ORC4: variants seen among roughly 807,000 people sequenced by gnomAD.
The protein encoded by ORC4 is origin recognition complex, subunit 4 homolog.
In ORC4, 55 loss-of-function variants were observed where a neutral mutation model predicts 63.9. The observed-to-expected ratio is 0.86, with a 90% confidence interval of 0.69 to 1.08. The LOEUF is 1.08. Among genes scored for constraint, ORC4 ranks in the 50% least tolerant of loss-of-function variants. The probability of loss-of-function intolerance (pLI) is 0.00; values close to 1 mark genes in which losing one functional copy is unlikely to be tolerated. For synonymous variants in ORC4, 150 were observed against 168.5 expected, an observed-to-expected ratio of 0.89 and a Z score of 0.85; for missense variants, 511 against 504.4, an observed-to-expected ratio of 1.01 and a Z score of -0.13.
chr2:147,973,299 T>C (rs1018523419), intron 3 of ORC4, 149 bp downstream of exon 3: 8 of 664,366 alleles, frequency 1.2e-5, no homozygotes, highest in African/African-American at 3.6e-5. Context: ...TCATGCTATG[T>C]GGTGTTTCTA....
chr2:147,945,274 C>G lies in ORC4; in HGVS notation c.763-1752G>C, dbSNP rs1415282763. 2.6e-5 allele frequency among the ~76,000 whole-genome samples: 4 copies of G among 152,044 alleles called. No individual in the cohort carries two copies. In the East Asian group the frequency reaches 7.7e-4, roughly 29 times the overall value. On this transcript the variant is annotated intron_variant, in intron 9 of 13. Coordinates refer to ENST00000392857, the MANE Select transcript of ORC4 (RefSeq NM_181741.4). Reference sequence around the variant, plus strand: ...GCTTCAAAGGTTAATCTTCTATACTCCACCTTCCTACTTTATCTCTTTATT... The same window carrying G: ...GCTTCAAAGGTTAATCTTCTATACTGCACCTTCCTACTTTATCTCTTTATT...
chr2:147,993,871 CTG>C (rs1238456061), intron 1 of ORC4, among the ~76,000 whole-genome samples: 2 of 152,178 alleles, frequency 1.3e-5, no homozygotes, highest in Non-Finnish European at 2.9e-5. Flanking sequence ...CTCAAATACA[CTG>C]TTTTATTATA....
At chr2:147,985,888 C>G (rs906080752) in intron 1 of ORC4, among the ~76,000 whole-genome samples, 1 of 151,978 alleles carries the variant, frequency 6.6e-6, no homozygotes, top group Non-Finnish European at 1.5e-5. Context: ...TATTGACTCC[C>G]AATCAGAGGT....
At chr2:147,982,718 T>C (rs1459868492) in intron 1 of ORC4, among the ~76,000 whole-genome samples, 1 of 152,222 alleles carries the variant, frequency 6.6e-6, no homozygotes, top group African/African-American at 2.4e-5. Context: ...AAAGGTTATT[T>C]TGACATCTTC....
At chr2:147,949,834 T>C (rs1688854477) in intron 8 of ORC4, among the ~76,000 whole-genome samples, 1 of 152,164 alleles carries the variant, frequency 6.6e-6, no homozygotes, top group Non-Finnish European at 1.5e-5. Flanking sequence ...CAGGGCTCAT[T>C]ATTTATTCTT....
chr2:147,964,732 A>G (rs1689800124), intron 4 of ORC4, among the ~76,000 whole-genome samples: 1 of 152,232 alleles, frequency 6.6e-6, no homozygotes, highest in African/African-American at 2.4e-5. Flanking sequence ...TACTAACAGT[A>G]GATTTCTTCT....
At chr2:148,005,656 C>CAA (rs55869341) in intron 1 of ORC4, among the ~76,000 whole-genome samples, 3,306 of 51,444 alleles carry the variant, frequency 0.064, 343 homozygotes, top group African/African-American at 0.12. Context: ...ACTATCCATG[C>CAA]AAAAAAAAAA....
intron 1 of ORC4, among the ~76,000 whole-genome samples, chr2:147,995,657 G>A (rs1049703366): frequency 6.6e-6 from 1 of 151,430 alleles, no homozygotes; most frequent in African/African-American, 2.4e-5. Context: ...CTCCAGACGC[G>A]CCACCTTTAA....
chr2:147,995,673 G>T (rs1328792866), intron 1 of ORC4, among the ~76,000 whole-genome samples: 2 of 152,048 alleles, frequency 1.3e-5, no homozygotes, highest in Non-Finnish European at 2.9e-5. Context: ...TTTAAGAGCT[G>T]TAACACTCAC....
chr2:147,983,790 A>G (rs192470779), intron 1 of ORC4, among the ~76,000 whole-genome samples: 1 of 152,204 alleles, frequency 6.6e-6, no homozygotes, highest in Admixed American at 6.5e-5. Flanking sequence ...ATCATGAAAG[A>G]GATTGTAGAC....
chr2:148,003,058 C>T (rs6729804), intron 1 of ORC4, among the ~76,000 whole-genome samples: 49,156 of 151,556 alleles, frequency 0.32, 8,153 homozygotes, highest in East Asian at 0.51. Context: ...AAGACTAAAC[C>T]AGGAAGAAGT....
At chr2:147,978,310 G>A (rs998852438) in intron 1 of ORC4, among the ~76,000 whole-genome samples, 18 of 152,308 alleles carry the variant, frequency 1.2e-4, no homozygotes, top group African/African-American at 3.4e-4. Context: ...CTGAATCCCC[G>A]ATTCAGAGCT....
At chr2:148,011,182 A>C (rs1247267253) in intron 1 of ORC4, among the ~76,000 whole-genome samples, 1 of 152,166 alleles carries the variant, frequency 6.6e-6, no homozygotes, top group Non-Finnish European at 1.5e-5. Context: ...AACAAAAAAG[A>C]AACTACAGGC....
rs1320480098 is a variant in ORC4, at chr2:147,934,400, C to T, written c.*1110G>A. On this transcript the variant is annotated 3_prime_UTR_variant, in exon 14 of 14. Transcript: ENST00000392857. Reference sequence around the variant, plus strand: ...AAAGACAATGCTTTGACGGACATTTCCACATTCCTCATAGGGATTTACTTT... The same window carrying T: ...AAAGACAATGCTTTGACGGACATTTTCACATTCCTCATAGGGATTTACTTT... 3.9e-5 allele frequency: 6 copies of T among 152,272 alleles called. No individual in the cohort carries two copies. The East Asian group carries it at 9.6e-4, about 24-fold the overall frequency. 9.4% of individuals were successfully genotyped at this position (152,272 alleles called of 1,614,324 possible).
At chr2:147,943,324 G>A in intron 10 of ORC4, 112 bp downstream of exon 10, 2 of 722,448 alleles carry the variant, frequency 2.8e-6, no homozygotes, top group East Asian at 2.6e-5. Context: ...GCAGAGGTGG[G>A]AGGATGGCTT....
intron 8 of ORC4, among the ~76,000 whole-genome samples, chr2:147,950,330 G>A (rs769924009): frequency 2.0e-5 from 3 of 152,002 alleles, no homozygotes; most frequent in Non-Finnish European, 4.4e-5. Context: ...TGGCAATGTG[G>A]GCATACAGGA....
intron 4 of ORC4, among the ~76,000 whole-genome samples, chr2:147,963,065 T>C (rs1195385527): frequency 6.6e-6 from 1 of 152,086 alleles, no homozygotes; most frequent in Non-Finnish European, 1.5e-5. Flanking sequence ...CAAGCAGTCT[T>C]GTGCTCACCT....
intron 1 of ORC4, among the ~76,000 whole-genome samples, chr2:148,002,770 A>G (rs1692394045): frequency 6.6e-6 from 1 of 152,180 alleles, no homozygotes; most frequent in African/African-American, 2.4e-5. Flanking sequence ...ACCAGAGCAG[A>G]ACTGAAGGAG....
At chr2:148,005,223 G>A (rs1205495076) in intron 1 of ORC4, among the ~76,000 whole-genome samples, 2 of 152,132 alleles carry the variant, frequency 1.3e-5, no homozygotes, top group Non-Finnish European at 2.9e-5. Flanking sequence ...ATACTATGAA[G>A]CCATAAAAAA....
Sources: gnomAD v4.1 joint callset for allele counts (sites outside exome capture counted in the v4.1 genomes callset) on GRCh38, gnomAD v4.1.1 for gene constraint, MANE v1.5 for transcripts, NCBI Gene and HGNC (gene_info 2026-07-23, HGNC 2026-07-21) for gene names.